Variants in RCAN2 observed in about 807,000 individuals in gnomAD.
The protein encoded by RCAN2 is calcipressin-2.
Under a neutral mutation model 23.6 loss-of-function variants are expected in RCAN2, and 9 were observed. The observed-to-expected ratio is 0.38, with a 90% CI of 0.23 to 0.67. The LOEUF is 0.67. RCAN2 is among the 30% of genes least tolerant of loss of function. The probability of loss-of-function intolerance (pLI) is 0.51; values close to 1 mark genes in which losing one functional copy is unlikely to be tolerated. For synonymous variants in RCAN2, 109 were observed against 115.7 expected (o/e 0.94, Z 0.37); for missense variants, 273 against 302.3 (o/e 0.90, Z 0.72).
Position 46,294,736 on chromosome 6 carries a change from C to A in RCAN2, c.226-45840G>T, listed in dbSNP as rs145784428. ...GATTAGAAAAACTATTCATGCATTT[C>A]TTTTAAAGCTGGAAGGAAATGTACC... On this transcript the variant is annotated intron_variant, in intron 2 of 4. Coordinates refer to ENST00000371374, the MANE Select transcript of RCAN2 (RefSeq NM_001251974.2). Among the ~76,000 whole-genome samples, 90 of 152,224 alleles carry A rather than the reference C, an allele frequency of 5.9e-4. 1 individual carries two copies. In the East Asian group the frequency reaches 0.017, roughly 29 times the overall value.
At position 46,360,533 on chromosome 6, in the gene RCAN2, C is replaced by CAAA. The variant is rs765916099; in HGVS notation, c.225+96216_225+96218dup. On this transcript the variant is annotated intron_variant, in intron 2 of 4. Coordinates refer to ENST00000371374, the MANE Select transcript of RCAN2 (RefSeq NM_001251974.2). ...TGGGCGACAGAGCAAGACTCCGTCT[C>CAAA]AAAAAAAAAAAAAAAAAAAAAAAAA... Among the ~76,000 whole-genome samples the CAAA allele has an allele frequency of 1.6e-3, 52 of 33,466 alleles. 3 individuals carry two copies. Among genetic ancestry groups the CAAA allele is most frequent in the Non-Finnish European group, 2.1e-3 (41 of 19,874 alleles). The allele number at this position is 33,466 out of a possible 152,430, so 22.0% of individuals were successfully genotyped here. A position where few individuals can be genotyped will look rare whatever the true frequency, so the allele number is the denominator to read the frequency against.
Position 46,442,691 on chromosome 6 carries a change from A to G in RCAN2, c.225+14061T>C, listed in dbSNP as rs141483866. 7.0e-3 allele frequency among the ~76,000 whole-genome samples: 1,071 copies of G among 152,308 alleles called. 7 individuals are homozygous for G. The highest frequency in any genetic ancestry group is 0.013 in the Non-Finnish European group (863 of 68,022). ...TCTTTCACCAAGTGTCATCAAGAAT[A>G]TATGTTTACCCACTTTTTGGCACAG... On this transcript the variant is annotated intron_variant, in intron 2 of 4. Coordinates refer to ENST00000371374, the MANE Select transcript of RCAN2 (RefSeq NM_001251974.2).
chr6:46,244,844 A>G (rs1243437857), intron 4 of RCAN2, among the ~76,000 whole-genome samples: 2 of 152,250 alleles, frequency 1.3e-5, no homozygotes, highest in Non-Finnish European at 2.9e-5. Flanking sequence ...AAACACCTCT[A>G]CAAAGTGTTC....
chr6:46,437,399 C>T (rs986286726), intron 2 of RCAN2, among the ~76,000 whole-genome samples: 1 of 152,188 alleles, frequency 6.6e-6, no homozygotes, highest in African/African-American at 2.4e-5. Context: ...TCTATAGTCA[C>T]TTAATTTATA....
At chr6:46,322,829 G>A (rs1402726449) in intron 2 of RCAN2, among the ~76,000 whole-genome samples, 1 of 152,214 alleles carries the variant, frequency 6.6e-6, no homozygotes, top group Non-Finnish European at 1.5e-5. Context: ...TACCTTTGGG[G>A]AAGCTTTGTT....
chr6:46,387,381 A>G (rs1024556300), intron 2 of RCAN2, among the ~76,000 whole-genome samples: 3 of 152,230 alleles, frequency 2.0e-5, no homozygotes, highest in African/African-American at 7.2e-5. Context: ...TCCAGAATCT[A>G]CAAAGAACTC....
rs372521506 is a variant in RCAN2, at chr6:46,280,605, C to T, written c.226-31709G>A. On this transcript the variant is annotated intron_variant, in intron 2 of 4. Coordinates refer to ENST00000371374, the MANE Select transcript of RCAN2 (RefSeq NM_001251974.2). The stretch of plus-strand genomic sequence containing the variant: ...AAATAACTAAGAGGGCTTTCTCTCC[C>T]TATAAAGCTGTATTTTAAAGGGGAT... Among the ~76,000 whole-genome samples, 133 of 152,272 alleles carry T rather than the reference C, an allele frequency of 8.7e-4. No individual in the cohort carries two copies. The South Asian group carries it at 0.025, about 29-fold the overall frequency.
chr6:46,429,419 A>G (rs895828290), intron 2 of RCAN2, among the ~76,000 whole-genome samples: 1 of 152,152 alleles, frequency 6.6e-6, no homozygotes, highest in Admixed American at 6.5e-5. Flanking sequence ...TACCTTGCAC[A>G]TTTGCTGTAA....
intron 2 of RCAN2, among the ~76,000 whole-genome samples, chr6:46,267,216 G>A (rs7738513): frequency 2.2e-3 from 331 of 152,282 alleles, no homozygotes; most frequent in African/African-American, 7.8e-3. Flanking sequence ...ATTGTAACTC[G>A]AAAGGAATAA....
At chr6:46,377,825 G>A (rs1343302186) in intron 2 of RCAN2, among the ~76,000 whole-genome samples, 1 of 152,156 alleles carries the variant, frequency 6.6e-6, no homozygotes, top group East Asian at 1.9e-4. Flanking sequence ...AGAAAGACCT[G>A]AGTTCAAACC....
chr6:46,238,702 C>A (rs1428167087), intron 4 of RCAN2, among the ~76,000 whole-genome samples: 1 of 152,202 alleles, frequency 6.6e-6, no homozygotes, highest in Admixed American at 6.5e-5. Flanking sequence ...ATGTGCACCA[C>A]CACACCCAGA....
chr6:46,440,206 T>C (rs1427838682), intron 2 of RCAN2, among the ~76,000 whole-genome samples: 1 of 152,182 alleles, frequency 6.6e-6, no homozygotes, highest in Non-Finnish European at 1.5e-5. Flanking sequence ...CAAATGAATA[T>C]TAGAATAATG....
intron 1 of RCAN2, among the ~76,000 whole-genome samples, chr6:46,460,598 C>A (rs1311187632): frequency 2.6e-5 from 4 of 152,196 alleles, no homozygotes; most frequent in African/African-American, 9.7e-5. Flanking sequence ...CCTGCACAGC[C>A]TTTTCTCATA....
intron 2 of RCAN2, among the ~76,000 whole-genome samples, chr6:46,440,234 AACTTAAAGAT>A (rs1420672469): frequency 6.6e-6 from 1 of 152,204 alleles, no homozygotes; most frequent in East Asian, 1.9e-4. Flanking sequence ...TTAAGAGTAA[AACTTAAAGAT>A]AGTTTAATTA....
At chr6:46,223,361 G>C in intron 4 of RCAN2, 60 bp from the exon 5 acceptor site, 3 of 1,499,024 alleles carry the variant, frequency 2.0e-6, no homozygotes, top group Non-Finnish European at 2.8e-6. Flanking sequence ...AGATCCTGGA[G>C]CAGGGTCTGC....
intron 2 of RCAN2, among the ~76,000 whole-genome samples, chr6:46,382,523 C>T (rs1174999519): frequency 6.6e-6 from 1 of 152,132 alleles, no homozygotes; most frequent in Non-Finnish European, 1.5e-5. Context: ...TGTAACAGCA[C>T]ACAGGCAAAC....
chr6:46,399,512 G>A (rs1766189059), intron 2 of RCAN2, among the ~76,000 whole-genome samples: 1 of 151,314 alleles, frequency 6.6e-6, no homozygotes, highest in Non-Finnish European at 1.5e-5. Flanking sequence ...AAATCTGGTG[G>A]TTTACAACAA....
intron 2 of RCAN2, among the ~76,000 whole-genome samples, chr6:46,451,736 A>G (rs1156995383): frequency 6.6e-6 from 1 of 152,206 alleles, no homozygotes; most frequent in Non-Finnish European, 1.5e-5. Context: ...ATGAAAGTGT[A>G]CATCTTTGAA....
chr6:46,388,499 G>A (rs1214573232), intron 2 of RCAN2, among the ~76,000 whole-genome samples: 1 of 152,082 alleles, frequency 6.6e-6, no homozygotes, highest in African/African-American at 2.4e-5. Flanking sequence ...ACATGCACAT[G>A]TATGTTTATT....
Sources: allele counts gnomAD v4.1 joint callset (sites outside exome capture counted in the v4.1 genomes callset), GRCh38; gene constraint gnomAD v4.1.1; transcripts MANE v1.5; gene names NCBI Gene and HGNC (gene_info 2026-07-23, HGNC 2026-07-21).